The following CATSPERT variants were observed in gnomAD, a reference collection of about 807,000 sequenced individuals.
CATSPERT encodes the protein catsper channel auxiliary subunit tau, also known as cation channel sperm-associated targeting subunit tau.
chr2:201,608,049 A>AT, the CATSPERT span, among the ~76,000 whole-genome samples: 32 of 152,178 alleles, frequency 2.1e-4, no homozygotes, highest in Non-Finnish European at 3.4e-4. Context: ...GCAATGCTAG[A>AT]TTTTACATAT....
At chr2:201,564,203 C>T in the CATSPERT span, among the ~76,000 whole-genome samples, 15 of 152,256 alleles carry the variant, frequency 9.9e-5, no homozygotes, top group African/African-American at 3.6e-4. Flanking sequence ...AGAACTAAAG[C>T]CCAGCTTCAA....
the CATSPERT span, among the ~76,000 whole-genome samples, chr2:201,579,713 G>T: frequency 3.4e-5 from 5 of 148,534 alleles, no homozygotes; most frequent in South Asian, 1.1e-3. Context: ...GCTATTTAAA[G>T]AATCTACACT....
At chr2:201,548,516 A>G in the CATSPERT span, among the ~76,000 whole-genome samples, 1 of 152,244 alleles carries the variant, frequency 6.6e-6, no homozygotes, top group Admixed American at 6.5e-5. Context: ...CATTCAGTCC[A>G]TAACACTATA....
the CATSPERT span, among the ~76,000 whole-genome samples, chr2:201,581,591 TATACACATAC>T: frequency 1.0e-3 from 47 of 45,324 alleles, 1 homozygote; most frequent in African/African-American, 3.9e-3. Flanking sequence ...TATATATATA[TATACACATAC>T]ATATTCTGGA....
chr2:201,558,475 T>A, the CATSPERT span, among the ~76,000 whole-genome samples: 1 of 152,324 alleles, frequency 6.6e-6, no homozygotes, highest in Non-Finnish European at 1.5e-5. Context: ...AGGAGGGCAG[T>A]GTGAAGGCAA....
the CATSPERT span, among the ~76,000 whole-genome samples, chr2:201,605,048 A>G: frequency 8.2e-6 from 1 of 121,496 alleles, no homozygotes; most frequent in East Asian, 2.9e-4. Flanking sequence ...TCAATCAAAT[A>G]TATATATACA....
At chr2:201,565,662 T>C in the CATSPERT span, 39 of 1,435,388 alleles carry the variant, frequency 2.7e-5, no homozygotes, top group East Asian at 3.8e-4. Context: ...AATTAATATA[T>C]TATACAAATA....
the CATSPERT span, among the ~76,000 whole-genome samples, chr2:201,570,279 C>T: frequency 6.6e-6 from 1 of 152,150 alleles, no homozygotes; most frequent in African/African-American, 2.4e-5. Flanking sequence ...CCCTTAATAT[C>T]CATCCCTATA....
the CATSPERT span, among the ~76,000 whole-genome samples, chr2:201,573,923 T>C: frequency 1.3e-5 from 2 of 152,034 alleles, no homozygotes; most frequent in African/African-American, 4.8e-5. Context: ...TCCCAAAGTG[T>C]TGGGATTATG....
At chr2:201,593,285 A>G in the CATSPERT span, among the ~76,000 whole-genome samples, 1 of 150,386 alleles carries the variant, frequency 6.6e-6, no homozygotes, top group Non-Finnish European at 1.5e-5. Context: ...CATGTAGTTG[A>G]GCGGTTTTGA....
At chr2:201,614,236 G>C in the CATSPERT span, among the ~76,000 whole-genome samples, 4 of 152,028 alleles carry the variant, frequency 2.6e-5, no homozygotes, top group Admixed American at 2.0e-4. Flanking sequence ...TCGAGAAGAG[G>C]AACTCCAAGA....
At chr2:201,539,311 C>T in the CATSPERT span, among the ~76,000 whole-genome samples, 1 of 152,100 alleles carries the variant, frequency 6.6e-6, no homozygotes. Flanking sequence ...TTTTTCTCTG[C>T]AACCTTGCCG....
chr2:201,584,482 C>T, the CATSPERT span, among the ~76,000 whole-genome samples: 1 of 151,884 alleles, frequency 6.6e-6, no homozygotes, highest in African/African-American at 2.4e-5. Flanking sequence ...CAGAGAAGCA[C>T]TATTTTAAGA....
chr2:201,528,347 G>A, the CATSPERT span, among the ~76,000 whole-genome samples: 3 of 152,190 alleles, frequency 2.0e-5, no homozygotes, highest in Admixed American at 1.3e-4. Flanking sequence ...GTGAAAAGCT[G>A]TTTGGAGATT....
the CATSPERT span, among the ~76,000 whole-genome samples, chr2:201,592,065 G>C: frequency 2.0e-5 from 3 of 151,948 alleles, no homozygotes; most frequent in African/African-American, 7.2e-5. Flanking sequence ...TCTTGTGCCA[G>C]TTTTCAAAGG....
the CATSPERT span, chr2:201,536,139 C>T: frequency 1.2e-6 from 2 of 1,613,432 alleles, no homozygotes; most frequent in South Asian, 1.1e-5. Flanking sequence ...TTGACGTTCA[C>T]CTAAAGGTGG....
the CATSPERT span, among the ~76,000 whole-genome samples, chr2:201,515,913 T>C: frequency 1.3e-5 from 2 of 152,240 alleles, no homozygotes; most frequent in Non-Finnish European, 2.9e-5. Context: ...AACACATCGA[T>C]TTCATTACAC....
At chr2:201,592,645 G>C in the CATSPERT span, among the ~76,000 whole-genome samples, 3 of 151,592 alleles carry the variant, frequency 2.0e-5, no homozygotes, top group Admixed American at 2.0e-4. Flanking sequence ...ATTGATTATT[G>C]CCACAATTTC....
chr2:201,599,756 AT>A, the CATSPERT span, among the ~76,000 whole-genome samples: 1 of 152,208 alleles, frequency 6.6e-6, no homozygotes, highest in African/African-American at 2.4e-5. Flanking sequence ...CAGGAAACAG[AT>A]TTTGATTATG....
Sources: gnomAD v4.1 joint callset for allele counts (sites outside exome capture counted in the v4.1 genomes callset) on GRCh38, gnomAD v4.1.1 for gene constraint, MANE v1.5 for transcripts, NCBI Gene and HGNC (gene_info 2026-07-23, HGNC 2026-07-21) for gene names.